Variants in SYNE2 observed in about 807,000 individuals in gnomAD.
SYNE2 encodes nesprin-2.
In SYNE2, 431 loss-of-function variants were observed where a neutral mutation model predicts 856.3. The ratio of observed to expected loss-of-function variants is 0.50; its 90% CI spans 0.47 to 0.55. SYNE2 has a LOEUF of 0.55. SYNE2 is among the 20% of genes least tolerant of loss of function. The pLI, the probability that SYNE2 is intolerant of heterozygous loss-of-function variation, is 0.00. For synonymous variants in SYNE2, 2,923 were observed against 2,872.3 expected (o/e 1.02, Z -0.56); for missense variants, 8,129 against 8,023.2 (o/e 1.01, Z -0.50).
chr14:64,180,127 T>G (rs2098451302), intron 96 of SYNE2, among the ~76,000 whole-genome samples: 1 of 152,274 alleles, frequency 6.6e-6, no homozygotes, highest in African/African-American at 2.4e-5. Flanking sequence ...ATTTATTGTC[T>G]AATGTCAAAT....
chr14:63,777,027 G>A (rs1887135507), intron 1 of SYNE2, among the ~76,000 whole-genome samples: 1 of 152,140 alleles, frequency 6.6e-6, no homozygotes, highest in Non-Finnish European at 1.5e-5. Context: ...ACTAGGATTT[G>A]CAATTGTTTT....
Position 64,224,638 on chromosome 14 carries a change from G to A in SYNE2, c.20469+91G>A. 3.5e-6 allele frequency: 5 copies of A among 1,423,834 alleles called. No individual in the cohort carries two copies. The African/African-American group carries it at 4.2e-5, about 12-fold the overall frequency. The allele number at this position is 1,423,834 out of a possible 1,614,324, so 88.2% of individuals were successfully genotyped here. A position where few individuals can be genotyped will look rare whatever the true frequency, so the allele number is the denominator to read the frequency against. ...AGCTTGGGATTCCAAGAGCCCATTA[G>A]CCATTTCAGGACAGCACAGGTCTCT... On this transcript the variant is annotated intron_variant, in intron 114 of 115. Transcript: ENST00000555002.
chr14:63,767,405 C>T (rs943479421), intron 1 of SYNE2, among the ~76,000 whole-genome samples: 4 of 152,036 alleles, frequency 2.6e-5, no homozygotes, highest in South Asian at 2.1e-4. Context: ...CCACTGTGAC[C>T]GGCCAATTTT....
intron 99 of SYNE2, among the ~76,000 whole-genome samples, chr14:64,194,790 G>A (rs1340685586): frequency 3.9e-5 from 6 of 152,178 alleles, no homozygotes; most frequent in South Asian, 4.1e-4. Flanking sequence ...CAAGGTTAAC[G>A]TTCACAGCCA....
In SYNE2 at chr14:63,947,357, A is replaced by T. The variant is rs1385215501; in HGVS notation, c.409-2468A>T. 2.0e-5 allele frequency among the ~76,000 whole-genome samples: 3 copies of T among 152,218 alleles called. No homozygotes were observed. The South Asian group carries it at 6.2e-4, about 31-fold the overall frequency. On this transcript the variant is annotated intron_variant, in intron 6 of 115. Transcript: ENST00000555002. ...GAAATAAATTATTCAATTAATTTGA[A>T]TTTAAATCTCACATGTGCCTAGTGG...
At chr14:64,119,296 G>T (rs1410160531) in intron 66 of SYNE2, 131 bp from the exon 67 acceptor site, 8 of 1,230,314 alleles carry the variant, frequency 6.5e-6, no homozygotes, top group South Asian at 1.4e-5. Context: ...TTTTTCCAGG[G>T]TTTCTTCCAT....
rs978739052 is a variant in SYNE2, at chr14:64,107,747, G to A, written c.12609+140G>A. ...ACTTTAACATATGAAGATATGTGCT[G>A]TCAAGCTGTAGAACTGGAAGACTTG... On this transcript the variant is annotated intron_variant, in intron 65 of 115. Coordinates refer to ENST00000555002, the MANE Select transcript of SYNE2 (RefSeq NM_182914.3). 7 of 777,976 alleles carry A rather than the reference G, an allele frequency of 9.0e-6. No homozygotes were observed. In the African/African-American group the frequency reaches 1.0e-4, roughly 11 times the overall value. The allele number at this position is 777,976 out of a possible 1,614,324, so 48.2% of individuals were successfully genotyped here. A position where few individuals can be genotyped will look rare whatever the true frequency, so the allele number is the denominator to read the frequency against.
intron 44 of SYNE2, among the ~76,000 whole-genome samples, chr14:64,030,711 T>C (rs1406258370): frequency 6.6e-6 from 1 of 152,240 alleles, no homozygotes; most frequent in Non-Finnish European, 1.5e-5. Flanking sequence ...ATTCAGTGTT[T>C]TGATTGTGTG....
chr14:64,170,568 G>A (rs1286659611), intron 94 of SYNE2, 106 bp downstream of exon 94: 1 of 1,192,750 alleles, frequency 8.4e-7, no homozygotes. Flanking sequence ...GATCCAAGTG[G>A]GCTCTCTGCA....
At chr14:64,055,884 A>G in intron 48 of SYNE2, 60 bp from the exon 49 acceptor site, 1 of 1,357,262 alleles carries the variant, frequency 7.4e-7, no homozygotes, top group African/African-American at 1.4e-5. Context: ...AAACTTAAGA[A>G]TGACAGGAAT....
At chr14:63,813,998 C>G (rs1466441570) in intron 1 of SYNE2, among the ~76,000 whole-genome samples, 3 of 151,898 alleles carry the variant, frequency 2.0e-5, no homozygotes, top group Admixed American at 2.0e-4. Flanking sequence ...GCAGAGGTTG[C>G]AGTAAGCCGA....
chr14:64,132,537 A>G, intron 77 of SYNE2, 99 bp downstream of exon 77: 1 of 1,475,924 alleles, frequency 6.8e-7, no homozygotes, highest in Middle Eastern at 1.8e-4. Flanking sequence ...TCATTAAGCT[A>G]TAGTTAAATG....
At chr14:63,842,423 A>T (rs974501949) in intron 1 of SYNE2, among the ~76,000 whole-genome samples, 1 of 150,450 alleles carries the variant, frequency 6.6e-6, no homozygotes, top group Admixed American at 6.6e-5. Flanking sequence ...AAGTGCTGGG[A>T]TTACAGCACT....
chr14:64,014,992 CATAT>C (rs1358240677), intron 32 of SYNE2, among the ~76,000 whole-genome samples: 1 of 132,068 alleles, frequency 7.6e-6, no homozygotes, highest in Non-Finnish European at 1.6e-5. Flanking sequence ...CACACACACA[CATAT>C]ATAAATATAT....
intron 6 of SYNE2, among the ~76,000 whole-genome samples, chr14:63,947,509 T>C (rs768005351): frequency 1.3e-5 from 2 of 152,224 alleles, no homozygotes; most frequent in Non-Finnish European, 2.9e-5. Flanking sequence ...ACTTTTTTCA[T>C]ATGGCTATCC....
At chr14:64,190,050 A>G in intron 98 of SYNE2, 21 bp from the exon 99 acceptor site, 1 of 1,611,230 alleles carries the variant, frequency 6.2e-7, no homozygotes, top group Non-Finnish European at 8.5e-7. Flanking sequence ...GCCAGGCTTT[A>G]TGTTTTGGTG....
Position 64,221,652 on chromosome 14 carries a change from C to T in SYNE2, c.20138C>T (p.Thr6713Ile), listed in dbSNP as rs755659380. The change falls in exon 112 of 116, where the codon ACC becomes ATC. Residue 6713 changes from threonine to isoleucine, a missense_variant. Coordinates refer to ENST00000555002, the MANE Select transcript of SYNE2 (RefSeq NM_182914.3). ...AKNRRQKAHV[T>I]DPKADPRALL... ...AACCGGAGGCAGAAGGCTCATGTCA[C>T]CGATCCAAAGGCAGACCCCCGGGCT... The T allele has an allele frequency of 2.8e-5, 45 of 1,614,132 alleles. No individual in the cohort carries two copies. The highest frequency in any genetic ancestry group is 3.7e-5 in the Non-Finnish European group (44 of 1,180,032).
At chr14:63,820,825 C>T (rs1414812468) in intron 1 of SYNE2, among the ~76,000 whole-genome samples, 1 of 151,022 alleles carries the variant, frequency 6.6e-6, no homozygotes, top group Non-Finnish European at 1.5e-5. Flanking sequence ...TCTCCTCTTA[C>T]TGCAACCTCT....
Position 63,983,788 on chromosome 14 carries a change from A to G in SYNE2, c.2053A>G (p.Asn685Asp). The change falls in exon 18 of 116, where the codon AAT (asparagine) becomes GAT (aspartate). Residue 685 changes from asparagine (N) to aspartate (D), a missense_variant. Transcript: ENST00000555002. ...AAAACAGGATCAGCCCACTTTTGAC[A>G]ATTCTGGAAATATTCTATCTAAAGA... Reference protein sequence around the residue: ...IKKQDQPTFDNSGNILSKEEK... With the variant: ...IKKQDQPTFDDSGNILSKEEK... 1 of 1,612,894 alleles carries G rather than the reference A, an allele frequency of 6.2e-7. No individual in the cohort carries two copies. Among genetic ancestry groups the G allele is most frequent in the Non-Finnish European group, 8.5e-7 (1 of 1,179,094 alleles).
Sources: allele counts gnomAD v4.1 joint callset (sites outside exome capture counted in the v4.1 genomes callset), GRCh38; gene constraint gnomAD v4.1.1; transcripts MANE v1.5; gene names NCBI Gene and HGNC (gene_info 2026-07-23, HGNC 2026-07-21).